GPHN: variants seen among roughly 807,000 people sequenced by gnomAD.
The protein encoded by GPHN is gephyrin.
A neutral mutation model predicts 95.5 loss-of-function variants in GPHN; 17 were observed. The ratio of observed to expected loss-of-function variants is 0.18; its 90% CI spans 0.12 to 0.27. The LOEUF is 0.27. Ranked by LOEUF, GPHN falls within the 10% of genes least tolerant of loss-of-function variation. The probability of loss-of-function intolerance (pLI) is 1.00; values close to 1 mark genes in which losing one functional copy is unlikely to be tolerated. For missense variants in GPHN, 660 were observed against 978.1 expected (o/e 0.67, Z 4.34); for synonymous variants, 320 against 322.5 (o/e 0.99, Z 0.08).
the GPHN span, chr14:67,335,529 T>G: frequency 1.3e-5 from 2 of 152,690 alleles, no homozygotes. Flanking sequence ...AGGAGAATAT[T>G]ATTTAGACTA....
chr14:67,646,595 G>A, the GPHN span: 1 of 1,444,616 alleles, frequency 6.9e-7, no homozygotes. Context: ...AATGATCTTG[G>A]TGAGAACAAG....
At chr14:67,653,351 T>C in the GPHN span, 2 of 1,190,418 alleles carry the variant, frequency 1.7e-6, no homozygotes, top group South Asian at 2.6e-5. Flanking sequence ...AGGTGCTTTA[T>C]GAGGACCTTT....
chr14:67,707,174 G>C, the GPHN span, among the ~76,000 whole-genome samples: 5 of 152,002 alleles, frequency 3.3e-5, no homozygotes, highest in Non-Finnish European at 7.4e-5. Context: ...GAAAAATGGG[G>C]AAAAAAGAAG....
At chr14:67,465,076 T>C in the GPHN span, among the ~76,000 whole-genome samples, 1 of 152,088 alleles carries the variant, frequency 6.6e-6, no homozygotes, top group African/African-American at 2.4e-5. Flanking sequence ...GCACAGCAGG[T>C]GAATGGATGA....
chr14:67,109,243 C>T (rs2078229437), intron 13 of GPHN, among the ~76,000 whole-genome samples: 2 of 152,182 alleles, frequency 1.3e-5, no homozygotes, highest in African/African-American at 4.8e-5. Context: ...ATGAGGCAGA[C>T]ATCTTTAGAA....
At chr14:67,450,827 T>C in the GPHN span, among the ~76,000 whole-genome samples, 2 of 152,234 alleles carry the variant, frequency 1.3e-5, no homozygotes, top group Non-Finnish European at 2.9e-5. Context: ...GAAATTTGCA[T>C]AAGTAACGAG....
At chr14:66,694,656 A>G (rs78409217) in intron 2 of GPHN, among the ~76,000 whole-genome samples, 4,090 of 152,322 alleles carry the variant, frequency 0.027, 92 homozygotes, top group Middle Eastern at 0.061. Context: ...AACCTTGGGT[A>G]TGGCAGTGAT....
At chr14:66,621,628 T>G (rs1211492305) in intron 1 of GPHN, among the ~76,000 whole-genome samples, 1 of 151,876 alleles carries the variant, frequency 6.6e-6, no homozygotes, top group African/African-American at 2.4e-5. Flanking sequence ...TTTCACCATG[T>G]TAGCCAGGAT....
chr14:66,639,918 G>T (rs755873039), intron 1 of GPHN, among the ~76,000 whole-genome samples: 1 of 152,074 alleles, frequency 6.6e-6, no homozygotes, highest in African/African-American at 2.4e-5. Context: ...AGTGCTTATC[G>T]TATTTCTGTT....
chr14:66,528,172 G>T (rs1467455513), intron 1 of GPHN, among the ~76,000 whole-genome samples: 3 of 152,174 alleles, frequency 2.0e-5, no homozygotes, highest in Non-Finnish European at 2.9e-5. Flanking sequence ...TATATATTTA[G>T]GATAGTTAGC....
chr14:67,063,947 T>C (rs989894848), intron 11 of GPHN, among the ~76,000 whole-genome samples: 2 of 152,198 alleles, frequency 1.3e-5, no homozygotes, highest in African/African-American at 4.8e-5. Context: ...TGATTGTCCC[T>C]GGCCAGAACT....
intron 2 of GPHN, among the ~76,000 whole-genome samples, chr14:66,712,523 T>A (rs1351667319): frequency 6.6e-6 from 1 of 152,180 alleles, no homozygotes; most frequent in East Asian, 1.9e-4. Flanking sequence ...TTTTCTCCCA[T>A]TCTGGAGATA....
chr14:66,852,313 T>C (rs2062615903), intron 4 of GPHN, among the ~76,000 whole-genome samples: 1 of 152,236 alleles, frequency 6.6e-6, no homozygotes, highest in African/African-American at 2.4e-5. Flanking sequence ...CTTTTGTTGT[T>C]TCAGGATATC....
chr14:67,270,675 G>A, the GPHN span: 2 of 151,170 alleles, frequency 1.3e-5, no homozygotes, highest in Non-Finnish European at 2.9e-5. Context: ...TAGACTACAT[G>A]TATGGGCTAG....
At chr14:66,583,319 C>T (rs898431185) in intron 1 of GPHN, among the ~76,000 whole-genome samples, 24 of 152,048 alleles carry the variant, frequency 1.6e-4, no homozygotes, top group African/African-American at 4.8e-4. Flanking sequence ...CAAAAATTTT[C>T]TCCCAATCTG....
chr14:66,848,181 A>G (rs1336500176), intron 4 of GPHN, among the ~76,000 whole-genome samples: 1 of 152,050 alleles, frequency 6.6e-6, no homozygotes, highest in Admixed American at 6.6e-5. Context: ...TTTTTTACTT[A>G]TATCAGCAAC....
chr14:67,620,339 C>T, the GPHN span, among the ~76,000 whole-genome samples: 1 of 151,898 alleles, frequency 6.6e-6, no homozygotes, highest in Non-Finnish European at 1.5e-5. Flanking sequence ...CTGCGGCCTC[C>T]CCAGAAAGAC....
At chr14:67,668,226 T>C in the GPHN span, among the ~76,000 whole-genome samples, 81 of 152,270 alleles carry the variant, frequency 5.3e-4, no homozygotes, top group Non-Finnish European at 1.9e-4. Context: ...GCATTTAACA[T>C]TGATTAGATT....
chr14:67,094,048 G>A (rs2077245851), intron 12 of GPHN, among the ~76,000 whole-genome samples: 1 of 152,042 alleles, frequency 6.6e-6, no homozygotes, highest in Non-Finnish European at 1.5e-5. Context: ...AATTTGTTCA[G>A]CCTTAAAGTG....
Sources: allele counts gnomAD v4.1 joint callset (sites outside exome capture counted in the v4.1 genomes callset), GRCh38; gene constraint gnomAD v4.1.1; transcripts MANE v1.5; gene names NCBI Gene and HGNC (gene_info 2026-07-23, HGNC 2026-07-21).